The following USP13 variants were observed in gnomAD, a reference collection of about 807,000 sequenced individuals.
USP13 encodes ubiquitin specific peptidase 13, also known as ubiquitin carboxyl-terminal hydrolase 13.
In USP13, 68 loss-of-function variants were observed where a neutral mutation model predicts 107.8. The ratio of observed to expected loss-of-function variants is 0.63; its 90% CI spans 0.52 to 0.77. USP13 has a LOEUF of 0.77. USP13 is among the 30% of genes least tolerant of loss of function. USP13 has a pLI of 0.00. For missense variants in USP13, 945 were observed against 1,093.3 expected (o/e 0.86, Z 1.91); for synonymous variants, 377 against 389.5 (o/e 0.97, Z 0.38).
At chr3:179,672,641 C>G (rs1243757621) in intron 1 of USP13, among the ~76,000 whole-genome samples, 2 of 152,066 alleles carry the variant, frequency 1.3e-5, no homozygotes, top group Non-Finnish European at 2.9e-5. Flanking sequence ...ACCATGTTGG[C>G]CAGGATGGGC....
In USP13 at chr3:179,779,516, C is replaced by T. The variant is rs1182341973; in HGVS notation, c.2414-2223C>T. 3.3e-5 allele frequency among the ~76,000 whole-genome samples: 5 copies of T among 151,810 alleles called. 1 individual carries two copies. Among genetic ancestry groups the T allele is most frequent in the Middle Eastern group, 6.8e-3 (2 of 294 alleles). On this transcript the variant is annotated intron_variant, in intron 19 of 20. Transcript: ENST00000263966. ...CTGCACTCCAGACTGGGTGACAGAGCGAGACTCCATGTCAAACAACAACAA... is the reference window on the plus strand; with the variant it reads ...CTGCACTCCAGACTGGGTGACAGAGTGAGACTCCATGTCAAACAACAACAA...
chr3:179,673,073 C>T (rs912723725), intron 1 of USP13, among the ~76,000 whole-genome samples: 1 of 152,236 alleles, frequency 6.6e-6, no homozygotes, highest in African/African-American at 2.4e-5. Context: ...GTTCAAGTGT[C>T]CAGGCTGCTA....
At chr3:179,772,202 G>A (rs1715361653) in intron 19 of USP13, among the ~76,000 whole-genome samples, 1 of 152,202 alleles carries the variant, frequency 6.6e-6, no homozygotes, top group Admixed American at 6.5e-5. Context: ...CTAACTTTCT[G>A]TTGAGTTTTT....
At position 179,781,871 on chromosome 3, in the gene USP13, C is replaced by T; in HGVS notation, c.2498+48C>T. The T allele has an allele frequency of 2.7e-6, 4 of 1,498,772 alleles. No homozygotes were observed. In the Admixed American group the frequency reaches 5.0e-5, roughly 19 times the overall value. 92.8% of individuals were successfully genotyped at this position (1,498,772 alleles called of 1,614,324 possible). A position where few individuals can be genotyped will look rare whatever the true frequency, so the allele number is the denominator to read the frequency against. ...ATGTTAGCTGTGATTTATTGAGTAC[C>T]TACTATATGCCAGGCACTCTCCTAG... On this transcript the variant is annotated intron_variant, in intron 20 of 20. Transcript: ENST00000263966.
intron 19 of USP13, among the ~76,000 whole-genome samples, chr3:179,766,105 G>A (rs933621516): frequency 2.0e-5 from 3 of 151,596 alleles, no homozygotes; most frequent in East Asian, 3.9e-4. Context: ...TCAGCCTCCC[G>A]AGTAGCTGGG....
At chr3:179,761,801 A>G (rs748686302) in intron 17 of USP13, among the ~76,000 whole-genome samples, 11 of 152,252 alleles carry the variant, frequency 7.2e-5, no homozygotes, top group Non-Finnish European at 1.6e-4. Context: ...TTTAAAGTGT[A>G]TAAGTCAGTG....
At chr3:179,672,275 A>C (rs1720770843) in intron 1 of USP13, among the ~76,000 whole-genome samples, 1 of 152,238 alleles carries the variant, frequency 6.6e-6, no homozygotes, top group South Asian at 2.1e-4. Context: ...GATACAATAC[A>C]AAGTAGCAAA....
Position 179,721,472 on chromosome 3 carries a change from G to A in USP13, c.971G>A (p.Gly324Asp), listed in dbSNP as rs1713314864. 3 of 1,614,176 alleles carry A rather than the reference G, an allele frequency of 1.9e-6. No individual in the cohort carries two copies. Among genetic ancestry groups the A allele is most frequent in the Non-Finnish European group, 2.5e-6 (3 of 1,180,042 alleles). ...VSEWEVIQES[G>D]TKLKPMYGPG... ...GAGTGGGAAGTGATCCAGGAGTCGGGCACGAAACTGAAGCCAATGTATGGT... is the reference window on the plus strand; with the variant it reads ...GAGTGGGAAGTGATCCAGGAGTCGGACACGAAACTGAAGCCAATGTATGGT... The change falls in exon 8 of 21, where the codon GGC (glycine) becomes GAC (aspartate). Residue 324 changes from glycine to aspartate, a missense_variant. Coordinates refer to ENST00000263966, the MANE Select transcript of USP13 (RefSeq NM_003940.3). This position sits in a 1 kb window ranked among gnomAD's most constrained non-coding sequence, Gnocchi z 4.3.
At chr3:179,783,335 C>T (rs1177491187) in intron 20 of USP13, among the ~76,000 whole-genome samples, 1 of 152,114 alleles carries the variant, frequency 6.6e-6, no homozygotes, top group African/African-American at 2.4e-5. Context: ...TATATGCACA[C>T]ATACTACATA....
At chr3:179,655,785 T>A (rs1304043787) in intron 1 of USP13, among the ~76,000 whole-genome samples, 1 of 152,100 alleles carries the variant, frequency 6.6e-6, no homozygotes, top group Non-Finnish European at 1.5e-5. Flanking sequence ...ACTCCTGACC[T>A]CAAGTGATCC....
chr3:179,740,113 C>A, intron 10 of USP13, 134 bp from the exon 11 acceptor site: 2 of 1,288,848 alleles, frequency 1.6e-6, no homozygotes, highest in Non-Finnish European at 2.2e-6. Flanking sequence ...TGGCCACTAT[C>A]ATTATTTACC....
At chr3:179,698,346 C>A (rs77445695) in intron 3 of USP13, among the ~76,000 whole-genome samples, 3,362 of 152,208 alleles carry the variant, frequency 0.022, 74 homozygotes, top group Middle Eastern at 0.12. Flanking sequence ...CTAGTACCTA[C>A]CAGATCCTGT....
chr3:179,749,956 AAG>A (rs2108522049), intron 13 of USP13, among the ~76,000 whole-genome samples: 1 of 152,258 alleles, frequency 6.6e-6, no homozygotes, highest in Non-Finnish European at 1.5e-5. Context: ...AGGTAAGAAA[AAG>A]AACATTTTTA....
chr3:179,687,899 G>A (rs1269954807), intron 2 of USP13, among the ~76,000 whole-genome samples: 1 of 152,022 alleles, frequency 6.6e-6, no homozygotes, highest in Non-Finnish European at 1.5e-5. Context: ...TCTGGAGCCT[G>A]CAGCCTTTCT....
At chr3:179,776,035 C>T (rs1167016856) in intron 19 of USP13, among the ~76,000 whole-genome samples, 1 of 152,174 alleles carries the variant, frequency 6.6e-6, no homozygotes, top group Non-Finnish European at 1.5e-5. Flanking sequence ...CACGTTGTCA[C>T]CTCTCACCAC....
rs1048723212 is a variant in USP13, at chr3:179,720,140, C to G, written c.900+106C>G. 9.6e-5 allele frequency: 69 copies of G among 720,206 alleles called. No homozygotes were observed. The South Asian group carries it at 1.1e-3, about 11-fold the overall frequency. 44.6% of individuals were successfully genotyped at this position (720,206 alleles called of 1,614,324 possible). A position where few individuals can be genotyped will look rare whatever the true frequency, so the allele number is the denominator to read the frequency against. ...AATATATAATTCCTCTAACGTGGAT[C>G]TTCATTTTATAGGTTTTAGCTTTTA... On this transcript the variant is annotated intron_variant, in intron 7 of 20. Coordinates refer to ENST00000263966, the MANE Select transcript of USP13 (RefSeq NM_003940.3).
chr3:179,743,382 GT>G (rs956359050), intron 12 of USP13, among the ~76,000 whole-genome samples: 11 of 139,830 alleles, frequency 7.9e-5, no homozygotes, highest in African/African-American at 1.6e-4. Flanking sequence ...TTTGTTTTTT[GT>G]TTTTTTTTTT....
rs543892294 is a variant in USP13 at position 179,675,065 on chromosome 3, C to A, written c.169-6813C>A. Among the ~76,000 whole-genome samples, 13 of 151,996 alleles carry A rather than the reference C, an allele frequency of 8.6e-5. No individual in the cohort carries two copies. The East Asian group carries it at 1.6e-3, about 18-fold the overall frequency. ...TGGCGGGCGCCTGTAGTCCCAGCTA[C>A]TCGGGAGGCTGAGGCAGGAGAATGG... On this transcript the variant is annotated intron_variant, in intron 1 of 20. Transcript: ENST00000263966.
chr3:179,700,251 A>AT (rs1237533077), intron 3 of USP13, among the ~76,000 whole-genome samples: 1 of 152,200 alleles, frequency 6.6e-6, no homozygotes, highest in African/African-American at 2.4e-5. Context: ...GCTGAGGACA[A>AT]TATGACTACT....
Sources: gnomAD v4.1 joint callset for allele counts (sites outside exome capture counted in the v4.1 genomes callset) on GRCh38, gnomAD v4.1.1 for gene constraint, Gnocchi (gnomAD v3.1) non-coding constraint, MANE v1.5 for transcripts, NCBI Gene and HGNC (gene_info 2026-07-23, HGNC 2026-07-21) for gene names.